AGK: variants seen among roughly 807,000 people sequenced by gnomAD.
AGK encodes acylglycerol kinase, mitochondrial.
In AGK, 52 loss-of-function variants were observed where a neutral mutation model predicts 66.4. The observed-to-expected ratio is 0.78, with a 90% CI of 0.63 to 0.99. The LOEUF (loss-of-function observed/expected upper bound fraction) is 0.99. Ranked by LOEUF, AGK falls within the 50% of genes least tolerant of loss-of-function variation. The pLI is 0.00. For synonymous variants in AGK, 182 were observed against 181.1 expected (o/e 1.00, Z -0.04); for missense variants, 451 against 506.6 (o/e 0.89, Z 1.05).
chr7:141,608,608 G>A (rs1796512637), intron 5 of AGK, among the ~76,000 whole-genome samples: 1 of 152,092 alleles, frequency 6.6e-6, no homozygotes. Context: ...ACAAAGTATT[G>A]CCTAAGAAAA....
rs186165036 is a variant in AGK, at chr7:141,614,344, T to C, written c.423+166T>C. Among the ~76,000 whole-genome samples the C allele has an allele frequency of 4.6e-5, 7 of 152,268 alleles. No individual in the cohort carries two copies. In the East Asian group the frequency reaches 1.2e-3, roughly 25 times the overall value. On this transcript the variant is annotated intron_variant, in intron 7 of 15. Transcript: ENST00000649286. ...ACTGCTACCCATGTCATAGAACACG[T>C]ATATTAACACATGGGGACTTTTCTG...
At chr7:141,605,794 C>T (rs1796444938) in intron 5 of AGK, among the ~76,000 whole-genome samples, 1 of 152,156 alleles carries the variant, frequency 6.6e-6, no homozygotes, top group Non-Finnish European at 1.5e-5. Flanking sequence ...CTCATTTAAA[C>T]CTAGGTCTGT....
chr7:141,555,499 C>A lies in AGK; in HGVS notation c.33C>A (p.His11Gln), dbSNP rs1057524817. ...TGTTCTTTAAAACGCTTCGAAATCACTGGAAGAAAACTACAGCTGGGCTCT... is the reference window on the plus strand; with the variant it reads ...TGTTCTTTAAAACGCTTCGAAATCAATGGAAGAAAACTACAGCTGGGCTCT... MTVFFKTLRN[H>Q]WKKTTAGLCL... Residue 11 changes from histidine to glutamine, a missense_variant, in exon 2 of 16, where the codon CAC (histidine) becomes CAA (glutamine). Transcript: ENST00000649286. This position sits in a 1 kb window ranked among gnomAD's most constrained non-coding sequence, Gnocchi z 4.2. The A allele has an allele frequency of 6.2e-7, 1 of 1,614,010 alleles. No homozygotes were observed. The highest frequency in any genetic ancestry group is 1.7e-5 in the Admixed American group (1 of 60,000).
At chr7:141,553,689 C>T (rs371827256) in intron 1 of AGK, among the ~76,000 whole-genome samples, 4 of 152,188 alleles carry the variant, frequency 2.6e-5, no homozygotes, top group African/African-American at 9.6e-5. Context: ...GAGAGGAGTT[C>T]AAGAATTAGT....
At chr7:141,642,334 T>A (rs1321827580) in intron 13 of AGK, among the ~76,000 whole-genome samples, 3 of 152,232 alleles carry the variant, frequency 2.0e-5, no homozygotes, top group Non-Finnish European at 4.4e-5. Context: ...TGTATCTATA[T>A]CTACATATTA....
At chr7:141,641,525 C>G in intron 12 of AGK, 127 bp downstream of exon 12, 1 of 1,120,286 alleles carries the variant, frequency 8.9e-7, no homozygotes, top group Admixed American at 2.6e-5. Flanking sequence ...TCACTGAATT[C>G]ATCCTTCTGT....
rs770857471 is a variant in AGK at position 141,601,220 on chromosome 7, A to G, written c.237A>G (p.Leu79=). 29 of 1,612,666 alleles carry G rather than the reference A, an allele frequency of 1.8e-5. No individual in the cohort carries two copies. The highest frequency in any genetic ancestry group is 2.2e-5 in the Non-Finnish European group (26 of 1,179,124). The change falls in exon 5 of 16, where the codon CTA becomes CTG. Residue 79 remains leucine, a synonymous_variant. Transcript: ENST00000649286. ...TTGTTAACAGAAAAGCCAGGACTCT[A>G]TTTGAAAAAAATGCTGCCCCGATTT... is the stretch of plus-strand genomic sequence containing the variant. ...PAACKGKART[L]FEKNAAPILH... is the part of the protein sequence containing the mutation.
chr7:141,567,191 A>T (rs1795490595), intron 2 of AGK, among the ~76,000 whole-genome samples: 1 of 152,198 alleles, frequency 6.6e-6, no homozygotes, highest in Non-Finnish European at 1.5e-5. Context: ...GATCACAACC[A>T]CACAGTTGTT....
chr7:141,589,530 C>G (rs990187238), intron 2 of AGK, among the ~76,000 whole-genome samples: 2 of 151,668 alleles, frequency 1.3e-5, no homozygotes, highest in Non-Finnish European at 2.9e-5. Flanking sequence ...AGATGGTTAA[C>G]ACCATTTTTG....
At chr7:141,604,401 T>TATATATATATAC (rs1169111569) in intron 5 of AGK, among the ~76,000 whole-genome samples, 3 of 143,466 alleles carry the variant, frequency 2.1e-5, no homozygotes, top group Non-Finnish European at 4.5e-5. Context: ...TATATATATA[T>TATATATATATAC]ATACACATAC....
chr7:141,576,659 A>G (rs1236207411), intron 2 of AGK, among the ~76,000 whole-genome samples: 1 of 151,230 alleles, frequency 6.6e-6, no homozygotes, highest in Non-Finnish European at 1.5e-5. Flanking sequence ...TTAAACCTTA[A>G]AATGGAGAAT....
At chr7:141,641,705 G>A in intron 12 of AGK, 106 bp from the exon 13 acceptor site, 2 of 913,472 alleles carry the variant, frequency 2.2e-6, no homozygotes, top group Non-Finnish European at 3.4e-6. Flanking sequence ...GGCAGAGTCA[G>A]CAGAAAGGTT....
rs138360864 is a variant in AGK at position 141,583,737 on chromosome 7, G to A, written c.102-9409G>A. ...TCCGTGACTGGTGCCGGAGTTTTGG[G>A]TTCACGGATAAAACATGTCTCCTTT... On this transcript the variant is annotated intron_variant, in intron 2 of 15. Transcript: ENST00000649286. 7.3e-3 allele frequency among the ~76,000 whole-genome samples: 1,112 copies of A among 152,080 alleles called. 36 individuals are homozygous for A. Among genetic ancestry groups the A allele is most frequent in the African/African-American group, 0.023 (971 of 41,350 alleles).
intron 2 of AGK, among the ~76,000 whole-genome samples, chr7:141,575,486 T>C (rs915985695): frequency 1.1e-4 from 16 of 152,128 alleles, no homozygotes; most frequent in African/African-American, 3.9e-4. Context: ...TATTGCTGTA[T>C]TGAACTTTGT....
chr7:141,588,626 A>C (rs1180445566), intron 2 of AGK, among the ~76,000 whole-genome samples: 1 of 152,122 alleles, frequency 6.6e-6, no homozygotes, highest in Non-Finnish European at 1.5e-5. Flanking sequence ...GGAAAAAAAA[A>C]AAAAGAAAGT....
intron 5 of AGK, among the ~76,000 whole-genome samples, chr7:141,606,397 T>A (rs903664085): frequency 2.6e-5 from 4 of 152,214 alleles, no homozygotes; most frequent in African/African-American, 9.6e-5. Context: ...GCTCAGAGTC[T>A]TTTGTTGTTG....
chr7:141,577,618 T>C (rs1017877290), intron 2 of AGK, among the ~76,000 whole-genome samples: 4 of 152,104 alleles, frequency 2.6e-5, no homozygotes, highest in Admixed American at 2.0e-4. Flanking sequence ...CCTTGCGGAC[T>C]GAATTCCAGG....
At chr7:141,584,516 C>T (rs930746068) in intron 2 of AGK, among the ~76,000 whole-genome samples, 4 of 152,084 alleles carry the variant, frequency 2.6e-5, no homozygotes, top group Admixed American at 6.5e-5. Flanking sequence ...AGCTGTACCC[C>T]GACCATTTGG....
Position 141,610,007 on chromosome 7 carries a change from C to T in AGK, c.298-1188C>T, listed in dbSNP as rs564633390. Among the ~76,000 whole-genome samples, 12 of 149,756 alleles carry T rather than the reference C, an allele frequency of 8.0e-5. No individual in the cohort carries two copies. The South Asian group carries it at 2.3e-3, about 29-fold the overall frequency. On this transcript the variant is annotated intron_variant, in intron 5 of 15. Transcript: ENST00000649286. ...TTCCTGAGACAGAGTCTTGCTCTGT[C>T]GCCCAGGCTGGAGTGCAGTGGTGCA...
Sources: gnomAD v4.1 joint callset for allele counts (sites outside exome capture counted in the v4.1 genomes callset) on GRCh38, gnomAD v4.1.1 for gene constraint, Gnocchi (gnomAD v3.1) non-coding constraint, MANE v1.5 for transcripts, NCBI Gene and HGNC (gene_info 2026-07-23, HGNC 2026-07-21) for gene names.